The following CNTNAP2 variants were observed in gnomAD, a reference collection of about 807,000 sequenced individuals.
The protein encoded by CNTNAP2 is contactin-associated protein-like 2.
A neutral mutation model predicts 155.2 loss-of-function variants in CNTNAP2; 98 were observed. The observed-to-expected ratio is 0.63, with a 90% CI of 0.54 to 0.75. The LOEUF (loss-of-function observed/expected upper bound fraction) is 0.75, where lower values mean the gene tolerates loss of function less well. CNTNAP2 is among the 30% of genes least tolerant of loss of function. The probability of loss-of-function intolerance (pLI) is 0.00; values close to 1 mark genes in which losing one functional copy is unlikely to be tolerated. For synonymous variants in CNTNAP2, 651 were observed against 631.2 expected (o/e 1.03, Z -0.47); for missense variants, 1,727 against 1,688.1 (o/e 1.02, Z -0.40).
intron 3 of CNTNAP2, among the ~76,000 whole-genome samples, chr7:146,864,019 G>C (rs915372018): frequency 6.6e-6 from 1 of 151,922 alleles, no homozygotes; most frequent in African/African-American, 2.4e-5. Context: ...GAATTAAAAT[G>C]CTCTAAGTAA....
chr7:147,057,883 G>A (rs771119491), intron 4 of CNTNAP2, among the ~76,000 whole-genome samples: 7 of 152,070 alleles, frequency 4.6e-5, no homozygotes, highest in Non-Finnish European at 1.0e-4. Flanking sequence ...TATTGATAAG[G>A]ACAATATTTA....
chr7:148,221,706 C>A (rs540152062), intron 19 of CNTNAP2, among the ~76,000 whole-genome samples: 2 of 152,326 alleles, frequency 1.3e-5, no homozygotes, highest in African/African-American at 4.8e-5. Context: ...TTTCACATAT[C>A]GAAAGCTCTG....
chr7:148,238,054 G>T (rs903792165), intron 20 of CNTNAP2, among the ~76,000 whole-genome samples: 3 of 152,100 alleles, frequency 2.0e-5, no homozygotes, highest in African/African-American at 7.2e-5. Context: ...AGAAAACAGA[G>T]ATTAAGAAGT....
intron 13 of CNTNAP2, among the ~76,000 whole-genome samples, chr7:147,682,047 G>C (rs934255353): frequency 1.3e-5 from 2 of 151,880 alleles, no homozygotes; most frequent in Admixed American, 1.3e-4. Context: ...AAAAGTAAAG[G>C]TTATTAGAAG....
intron 1 of CNTNAP2, among the ~76,000 whole-genome samples, chr7:146,494,462 C>A (rs1490584109): frequency 6.6e-6 from 1 of 151,688 alleles, no homozygotes; most frequent in Admixed American, 6.6e-5. Context: ...AAAAGTTTCC[C>A]TGAAAGCATA....
At chr7:146,212,982 A>G (rs1454059259) in intron 1 of CNTNAP2, among the ~76,000 whole-genome samples, 1 of 152,174 alleles carries the variant, frequency 6.6e-6, no homozygotes, top group African/African-American at 2.4e-5. Flanking sequence ...ATTCAGTCTG[A>G]AAGTCTAAAG....
intron 13 of CNTNAP2, among the ~76,000 whole-genome samples, chr7:147,677,643 A>G (rs141292514): frequency 0.016 from 2,490 of 151,708 alleles, 221 homozygotes; most frequent in Admixed American, 0.15. Context: ...CGAGTTTCAC[A>G]GTTTGGGGTC....
At chr7:147,681,563 A>G (rs1221319979) in intron 13 of CNTNAP2, among the ~76,000 whole-genome samples, 1 of 152,018 alleles carries the variant, frequency 6.6e-6, no homozygotes, top group Non-Finnish European at 1.5e-5. Flanking sequence ...CATCTTGTTT[A>G]TTGTACCTAG....
chr7:146,857,732 C>A (rs759784480), intron 3 of CNTNAP2, among the ~76,000 whole-genome samples: 35 of 152,136 alleles, frequency 2.3e-4, no homozygotes, highest in Non-Finnish European at 3.7e-4. Flanking sequence ...AAAGACACAC[C>A]AATCTATCAA....
intron 1 of CNTNAP2, among the ~76,000 whole-genome samples, chr7:146,322,022 C>G (rs1381382909): frequency 6.6e-6 from 1 of 152,076 alleles, no homozygotes; most frequent in Non-Finnish European, 1.5e-5. Context: ...TAGTACAGGT[C>G]ATGGACCTTG....
At chr7:148,216,266 A>G (rs763699919) in intron 18 of CNTNAP2, among the ~76,000 whole-genome samples, 2 of 152,216 alleles carry the variant, frequency 1.3e-5, no homozygotes, top group South Asian at 2.1e-4. Flanking sequence ...TCTTTCTTCT[A>G]ATTTCTCAAT....
At chr7:148,248,507 A>T (rs1490725228) in intron 20 of CNTNAP2, among the ~76,000 whole-genome samples, 1 of 152,148 alleles carries the variant, frequency 6.6e-6, no homozygotes, top group African/African-American at 2.4e-5. Flanking sequence ...TACTTGTTCT[A>T]TAATTTTAAA....
intron 3 of CNTNAP2, among the ~76,000 whole-genome samples, chr7:147,003,878 A>G (rs1285521549): frequency 6.6e-6 from 1 of 151,922 alleles, no homozygotes; most frequent in Non-Finnish European, 1.5e-5. Flanking sequence ...ATAATTTTTT[A>G]AAAATTATCC....
At position 146,415,398 on chromosome 7, in the gene CNTNAP2, A is replaced by T. The variant is rs75499427; in HGVS notation, c.97+298425A>T. Among the ~76,000 whole-genome samples, 22 of 152,336 alleles carry T rather than the reference A, an allele frequency of 1.4e-4. No homozygotes were observed. In the East Asian group the frequency reaches 3.9e-3, roughly 27 times the overall value. On this transcript the variant is annotated intron_variant, in intron 1 of 23. Coordinates refer to ENST00000361727, the MANE Select transcript of CNTNAP2 (RefSeq NM_014141.6). ...TTACAATATTAGGAATTAATTTCAA[A>T]CACATTGTGTTTTTACTTCAAAATA...
At chr7:148,406,993 C>T (rs1296781747) in intron 22 of CNTNAP2, among the ~76,000 whole-genome samples, 1 of 152,052 alleles carries the variant, frequency 6.6e-6, no homozygotes, top group East Asian at 1.9e-4. Flanking sequence ...GAACTTTATT[C>T]TTTGTCTATT....
intron 20 of CNTNAP2, among the ~76,000 whole-genome samples, chr7:148,231,788 G>A (rs75898451): frequency 0.04 from 6,133 of 152,184 alleles, 161 homozygotes; most frequent in South Asian, 0.073. Context: ...GTGGAAGGGG[G>A]AACAAAGACC....
intron 13 of CNTNAP2, among the ~76,000 whole-genome samples, chr7:147,720,964 C>T (rs901007380): frequency 1.3e-5 from 2 of 152,204 alleles, no homozygotes; most frequent in Middle Eastern, 3.4e-3. Flanking sequence ...GTCATGATGA[C>T]AAACCCCATC....
intron 15 of CNTNAP2, among the ~76,000 whole-genome samples, chr7:148,055,494 G>A (rs1363504389): frequency 6.6e-6 from 1 of 152,186 alleles, no homozygotes; most frequent in Non-Finnish European, 1.5e-5. Flanking sequence ...GTGACCTCCA[G>A]AGAGCTGTTT....
At position 147,977,853 on chromosome 7, in the gene CNTNAP2, G is replaced by A; in HGVS notation, c.2256-9G>A. ...CCTCATTCTTTTTCTGTCTTTCCCT[G>A]TGATCCAGGAGGAAGGATGCTGGTT... On this transcript the variant is annotated splice_polypyrimidine_tract_variant and intron_variant, in intron 14 of 23. Coordinates refer to ENST00000361727, the MANE Select transcript of CNTNAP2 (RefSeq NM_014141.6). The A allele has an allele frequency of 1.2e-6, 2 of 1,614,032 alleles. No individual in the cohort carries two copies. The highest frequency in any genetic ancestry group is 2.2e-5 in the South Asian group (2 of 91,076).
Sources: gnomAD v4.1 joint callset for allele counts (sites outside exome capture counted in the v4.1 genomes callset) on GRCh38, gnomAD v4.1.1 for gene constraint, MANE v1.5 for transcripts, NCBI Gene and HGNC (gene_info 2026-07-23, HGNC 2026-07-21) for gene names.